Variants in HIVEP1 observed in about 807,000 individuals in gnomAD.
HIVEP1 encodes HIVEP zinc finger 1.
Under a neutral mutation model 180.0 loss-of-function variants are expected in HIVEP1, and 36 were observed. That is an observed-to-expected ratio of 0.20 (90% confidence interval 0.15 to 0.26). HIVEP1 has a LOEUF of 0.26. Ranked by LOEUF, HIVEP1 falls within the 10% of genes least tolerant of loss-of-function variation. The pLI is 1.00. For synonymous variants in HIVEP1, 1,239 were observed against 1,239.0 expected (o/e 1.00, Z 0.00); for missense variants, 3,143 against 3,268.7 (o/e 0.96, Z 0.94).
intron 3 of HIVEP1, among the ~76,000 whole-genome samples, chr6:12,106,996 A>G (rs1011811839): frequency 1.3e-5 from 2 of 152,138 alleles, no homozygotes; most frequent in Non-Finnish European, 2.9e-5. Context: ...TCTTTCTGCT[A>G]TTTCTAGTTT....
At chr6:12,201,521 T>C in the HIVEP1 span, among the ~76,000 whole-genome samples, 2 of 152,132 alleles carry the variant, frequency 1.3e-5, no homozygotes, top group African/African-American at 4.8e-5. Flanking sequence ...AAACATTTTT[T>C]TGAACATGTA....
chr6:12,009,174 C>A (rs1002259540), upstream of HIVEP1, among the ~76,000 whole-genome samples: 1 of 145,490 alleles, frequency 6.9e-6, no homozygotes, highest in African/African-American at 2.5e-5. Context: ...GGCGGAGGGC[C>A]GGGGCCGCGG....
intron 2 of HIVEP1, among the ~76,000 whole-genome samples, chr6:12,068,165 A>G (rs1399217681): frequency 6.6e-6 from 1 of 152,154 alleles, no homozygotes; most frequent in Non-Finnish European, 1.5e-5. Context: ...ATCTTGGCTC[A>G]GTGCAATCTC....
At chr6:12,189,346 A>C in the HIVEP1 span, among the ~76,000 whole-genome samples, 1 of 152,128 alleles carries the variant, frequency 6.6e-6, no homozygotes, top group African/African-American at 2.4e-5. Flanking sequence ...TTGATGACAT[A>C]GAAATTTTTT....
In HIVEP1 at chr6:12,082,994, A is replaced by T. The variant is rs762398897; in HGVS notation, c.41-6190A>T. Reference sequence around the variant, plus strand: ...ACATTGTTAGCTTTTATTGGATTTAAATTACACAGTTTATATTAAGATATG... The same window carrying T: ...ACATTGTTAGCTTTTATTGGATTTATATTACACAGTTTATATTAAGATATG... On this transcript the variant is annotated intron_variant, in intron 2 of 8. Coordinates refer to ENST00000379388, the MANE Select transcript of HIVEP1 (RefSeq NM_002114.4). 1.1e-4 allele frequency among the ~76,000 whole-genome samples: 17 copies of T among 152,276 alleles called. No individual in the cohort carries two copies. In the East Asian group the frequency reaches 1.4e-3, roughly 12 times the overall value.
intron 2 of HIVEP1, among the ~76,000 whole-genome samples, chr6:12,050,310 G>A (rs150433743): frequency 2.2e-3 from 329 of 152,350 alleles, no homozygotes; most frequent in African/African-American, 7.2e-3. Context: ...CATCGGCCGG[G>A]TGCGCTGGCT....
chr6:12,164,478 T>A lies in HIVEP1; in HGVS notation c.*17T>A, dbSNP rs746362421. 5.1e-6 allele frequency: 8 copies of A among 1,555,918 alleles called. No homozygotes were observed. In the East Asian group the frequency reaches 1.4e-4, roughly 26 times the overall value. On this transcript the variant is annotated 3_prime_UTR_variant, in exon 9 of 9. Coordinates refer to ENST00000379388, the MANE Select transcript of HIVEP1 (RefSeq NM_002114.4). Reference sequence around the variant, plus strand: ...GCAACCTGATGGATTTTATTTTTTATTTGCTTTTTTTTTATATAACACTTA... The same window carrying A: ...GCAACCTGATGGATTTTATTTTTTAATTGCTTTTTTTTTATATAACACTTA...
At chr6:12,078,061 G>C (rs961603414) in intron 2 of HIVEP1, among the ~76,000 whole-genome samples, 3 of 152,168 alleles carry the variant, frequency 2.0e-5, no homozygotes, top group African/African-American at 7.2e-5. Flanking sequence ...TAAGAAGATG[G>C]TGAAGAAGAA....
the HIVEP1 span, among the ~76,000 whole-genome samples, chr6:12,177,785 TG>T: frequency 1.3e-5 from 2 of 152,220 alleles, no homozygotes; most frequent in African/African-American, 4.8e-5. Context: ...CATTTGTTTT[TG>T]TTATTTGTTA....
intron 3 of HIVEP1, among the ~76,000 whole-genome samples, 166 bp from the exon 4 acceptor site, chr6:12,119,724 A>G (rs1343302854): frequency 2.0e-5 from 3 of 152,222 alleles, no homozygotes; most frequent in Admixed American, 1.3e-4. Flanking sequence ...TCATTGTTCA[A>G]TTTCCGGAAT....
the HIVEP1 span, among the ~76,000 whole-genome samples, chr6:12,174,507 A>G: frequency 6.6e-6 from 1 of 152,256 alleles, no homozygotes; most frequent in South Asian, 2.1e-4. Context: ...GGCCCTTTAA[A>G]TGGAGATAAA....
chr6:12,019,078 G>A (rs2113589286), intron 2 of HIVEP1, among the ~76,000 whole-genome samples: 1 of 152,316 alleles, frequency 6.6e-6, no homozygotes, highest in South Asian at 2.1e-4. Context: ...AGCCACTAAA[G>A]AAAAGATTGG....
chr6:12,075,540 A>G (rs752957628), intron 2 of HIVEP1, among the ~76,000 whole-genome samples: 1 of 150,078 alleles, frequency 6.7e-6, no homozygotes, highest in Non-Finnish European at 1.5e-5. Context: ...CTACAACAAC[A>G]CGTGTTGAGT....
intron 2 of HIVEP1, among the ~76,000 whole-genome samples, chr6:12,026,585 T>C (rs1768600495): frequency 6.6e-6 from 1 of 152,238 alleles, no homozygotes; most frequent in Admixed American, 6.5e-5. Flanking sequence ...TTTCTGTTTA[T>C]GGTAATTATA....
At chr6:12,014,555 T>C (rs935581285) in intron 1 of HIVEP1, among the ~76,000 whole-genome samples, 2 of 152,224 alleles carry the variant, frequency 1.3e-5, no homozygotes, top group Admixed American at 6.5e-5. Flanking sequence ...TCTTGTGTCT[T>C]TGCTTAATGA....
intron 7 of HIVEP1, among the ~76,000 whole-genome samples, chr6:12,155,810 G>C (rs1760005486): frequency 6.6e-6 from 1 of 152,094 alleles, no homozygotes; most frequent in Non-Finnish European, 1.5e-5. Flanking sequence ...AGAGGTCTAG[G>C]TCTTTGAGGA....
intron 7 of HIVEP1, among the ~76,000 whole-genome samples, chr6:12,147,058 A>T (rs372391551): frequency 6.6e-6 from 1 of 152,332 alleles, no homozygotes; most frequent in East Asian, 1.9e-4. Context: ...GAAGACACAC[A>T]GGTTGGGGAA....
chr6:12,184,709 G>GA, the HIVEP1 span, among the ~76,000 whole-genome samples: 5 of 151,850 alleles, frequency 3.3e-5, no homozygotes, highest in Non-Finnish European at 7.4e-5. Flanking sequence ...AGTTAGAATC[G>GA]AAAAAAATCA....
At position 12,124,708 on chromosome 6, in the gene HIVEP1, T is replaced by C; in HGVS notation, c.4913T>C (p.Ile1638Thr). 1 of 1,614,206 alleles carries C rather than the reference T, an allele frequency of 6.2e-7. No homozygotes were observed. Among genetic ancestry groups the C allele is most frequent in the Admixed American group, 1.7e-5 (1 of 60,028 alleles). ...QKVPSSFMLP[I>T]RLQSSVPAYC... The stretch of plus-strand genomic sequence containing the variant: ...GTGCCATCATCATTCATGCTGCCCA[T>C]ACGCCTGCAGAGTAGTGTTCCTGCT... The change falls in exon 4 of 9, where the codon ATA becomes ACA. Residue 1638 changes from isoleucine (I) to threonine (T), a missense_variant. By Grantham distance (89) the Ile-to-Thr change is moderately conservative. Coordinates refer to ENST00000379388, the MANE Select transcript of HIVEP1 (RefSeq NM_002114.4).
Sources: allele counts gnomAD v4.1 joint callset (sites outside exome capture counted in the v4.1 genomes callset), GRCh38; gene constraint gnomAD v4.1.1; transcripts MANE v1.5; gene names NCBI Gene and HGNC (gene_info 2026-07-23, HGNC 2026-07-21).